CDH13: variants seen among roughly 807,000 people sequenced by gnomAD.
The protein encoded by CDH13 is cadherin-13.
In CDH13, 24 loss-of-function variants were observed where a neutral mutation model predicts 63.8. That is an observed-to-expected ratio of 0.38 (90% CI 0.27 to 0.53). The LOEUF is 0.53. Ranked by LOEUF, CDH13 falls within the 20% of genes least tolerant of loss-of-function variation. The pLI is 0.85. For missense variants in CDH13, 1,049 were observed against 903.1 expected, an observed-to-expected ratio of 1.16 and a Z score of -2.07; for synonymous variants, 503 against 355.3, an observed-to-expected ratio of 1.42 and a Z score of -4.67.
At chr16:83,289,307 T>A (rs1389372299) in intron 5 of CDH13, among the ~76,000 whole-genome samples, 1 of 152,220 alleles carries the variant, frequency 6.6e-6, no homozygotes, top group Non-Finnish European at 1.5e-5. Context: ...TAATCTCATG[T>A]ATTTTTGGTA....
chr16:83,128,725 C>T (rs1019941000), intron 4 of CDH13, among the ~76,000 whole-genome samples: 5 of 152,196 alleles, frequency 3.3e-5, no homozygotes, highest in Non-Finnish European at 7.3e-5. Flanking sequence ...TCAATGGGTC[C>T]ATAAGCATGC....
chr16:82,838,784 G>T (rs889433841), intron 1 of CDH13, among the ~76,000 whole-genome samples: 1 of 152,202 alleles, frequency 6.6e-6, no homozygotes. Context: ...TGACAAGTGT[G>T]ATGGGTCACT....
intron 1 of CDH13, among the ~76,000 whole-genome samples, chr16:82,808,220 A>C (rs2037252500): frequency 6.6e-6 from 1 of 152,194 alleles, no homozygotes; most frequent in African/African-American, 2.4e-5. Context: ...AATTTTTTTT[A>C]GAACTGCTAA....
At chr16:83,573,136 G>T (rs1455422595) in intron 7 of CDH13, among the ~76,000 whole-genome samples, 1 of 152,176 alleles carries the variant, frequency 6.6e-6, no homozygotes, top group Admixed American at 6.5e-5. Context: ...GAGCTGCCAA[G>T]AAATTTAAAG....
chr16:83,209,898 G>C (rs1364265862), intron 4 of CDH13, among the ~76,000 whole-genome samples: 1 of 152,164 alleles, frequency 6.6e-6, no homozygotes, highest in Non-Finnish European at 1.5e-5. Context: ...ATCCCCAGCA[G>C]AGTAGGTGGG....
At chr16:83,138,745 G>A (rs545968290) in intron 4 of CDH13, among the ~76,000 whole-genome samples, 10 of 152,254 alleles carry the variant, frequency 6.6e-5, no homozygotes, top group Non-Finnish European at 1.2e-4. Context: ...GTTACGCTGG[G>A]TAACACCTGA....
intron 2 of CDH13, among the ~76,000 whole-genome samples, chr16:82,960,410 G>T (rs1906789302): frequency 6.6e-6 from 1 of 152,072 alleles, no homozygotes; most frequent in African/African-American, 2.4e-5. Flanking sequence ...AGAGATGAGT[G>T]CCTGTTAAAT....
chr16:83,602,232 G>A (rs1907915537), intron 7 of CDH13, among the ~76,000 whole-genome samples: 1 of 142,344 alleles, frequency 7.0e-6, no homozygotes, highest in South Asian at 2.4e-4. Flanking sequence ...TAAATATATT[G>A]TCCCCATGGC....
rs188242957 is a variant in CDH13 at position 83,088,148 on chromosome 16, C to A, written c.367-37237C>A. Reference sequence around the variant, plus strand: ...TATCTTAATTCAGATGTGCACTCACCTTTTGGCTCACGACAACAAAAGCCT... The same window carrying A: ...TATCTTAATTCAGATGTGCACTCACATTTTGGCTCACGACAACAAAAGCCT... On this transcript the variant is annotated intron_variant, in intron 3 of 13. Transcript: ENST00000567109. Among the ~76,000 whole-genome samples the A allele has an allele frequency of 8.5e-4, 129 of 152,278 alleles. 1 individual carries two copies. Among genetic ancestry groups the A allele is most frequent in the African/African-American group, 2.8e-3 (115 of 41,564 alleles).
chr16:83,262,265 G>C (rs963664693), intron 5 of CDH13, among the ~76,000 whole-genome samples: 1 of 152,134 alleles, frequency 6.6e-6, no homozygotes, highest in African/African-American at 2.4e-5. Flanking sequence ...ATGGGGTAAT[G>C]GGCCTCCATG....
At chr16:83,097,821 G>A (rs771352937) in intron 3 of CDH13, among the ~76,000 whole-genome samples, 1 of 152,200 alleles carries the variant, frequency 6.6e-6, no homozygotes, top group Non-Finnish European at 1.5e-5. Context: ...ATTTTAGAGA[G>A]CCTTTAATAT....
At chr16:83,565,304 A>T (rs553188823) in intron 7 of CDH13, among the ~76,000 whole-genome samples, 2 of 150,878 alleles carry the variant, frequency 1.3e-5, no homozygotes, top group Non-Finnish European at 2.9e-5. Context: ...CATCTGCGCT[A>T]TAGGCACAGA....
At chr16:83,728,211 G>C (rs1910641575) in intron 10 of CDH13, among the ~76,000 whole-genome samples, 1 of 152,098 alleles carries the variant, frequency 6.6e-6, no homozygotes, top group Admixed American at 6.5e-5. Context: ...TTAAGTCTTT[G>C]ATGTGCACAC....
chr16:82,636,545 G>A (rs1453786831), intron 1 of CDH13, among the ~76,000 whole-genome samples: 6 of 152,174 alleles, frequency 3.9e-5, no homozygotes, highest in Non-Finnish European at 8.8e-5. Flanking sequence ...CAGCAGCACT[G>A]GAAATATGTC....
At chr16:83,275,266 C>A (rs2088950957) in intron 5 of CDH13, among the ~76,000 whole-genome samples, 1 of 147,150 alleles carries the variant, frequency 6.8e-6, no homozygotes, top group Admixed American at 6.7e-5. Context: ...TTCTTTTTTG[C>A]TATTTTTCTT....
intron 1 of CDH13, among the ~76,000 whole-genome samples, chr16:82,749,352 C>T (rs71402034): frequency 0.16 from 23,775 of 152,148 alleles, 2,180 homozygotes; most frequent in East Asian, 0.42. Flanking sequence ...ACTTACATAG[C>T]CCAGGAGTCT....
At chr16:83,246,821 C>T (rs536192463) in intron 5 of CDH13, among the ~76,000 whole-genome samples, 14 of 152,290 alleles carry the variant, frequency 9.2e-5, no homozygotes, top group African/African-American at 3.1e-4. Context: ...TGGGACATTG[C>T]CGTCTGTTTC....
intron 2 of CDH13, among the ~76,000 whole-genome samples, chr16:82,905,722 C>A (rs1320683012): frequency 2.0e-5 from 3 of 152,106 alleles, no homozygotes; most frequent in East Asian, 3.9e-4. Context: ...AATGTGACTT[C>A]ATTGTGTAAT....
At position 82,838,184 on chromosome 16, in the gene CDH13, G is replaced by A. The variant is rs140161514; in HGVS notation, c.46-20178G>A. Among the ~76,000 whole-genome samples the A allele has an allele frequency of 5.3e-3, 805 of 152,272 alleles. 5 individuals carry two copies. The highest frequency in any genetic ancestry group is 7.5e-3 in the Non-Finnish European group (508 of 68,020). On this transcript the variant is annotated intron_variant, in intron 1 of 13. Coordinates refer to ENST00000567109, the MANE Select transcript of CDH13 (RefSeq NM_001257.5). ...CACCCTTTTCATTGCAGATGCTTGCGTGTTCCCATCACTGAGTTCTAATTT... is the reference window on the plus strand; with the variant it reads ...CACCCTTTTCATTGCAGATGCTTGCATGTTCCCATCACTGAGTTCTAATTT...
Sources: gnomAD v4.1 joint callset for allele counts (sites outside exome capture counted in the v4.1 genomes callset) on GRCh38, gnomAD v4.1.1 for gene constraint, MANE v1.5 for transcripts, NCBI Gene and HGNC (gene_info 2026-07-23, HGNC 2026-07-21) for gene names.